KCNH2: variants seen among roughly 807,000 people sequenced by gnomAD.
The protein encoded by KCNH2 is voltage-gated inwardly rectifying potassium channel KCNH2.
Under a neutral mutation model 95.9 loss-of-function variants are expected in KCNH2, and 35 were observed. That is an observed-to-expected ratio of 0.37 (90% CI 0.28 to 0.48). KCNH2 has a LOEUF of 0.48. Among genes scored for constraint, KCNH2 ranks in the 20% least tolerant of loss-of-function variants. The pLI is 0.99. For synonymous variants in KCNH2, 786 were observed against 754.7 expected (o/e 1.04, Z -0.68); for missense variants, 1,274 against 1,702.9 (o/e 0.75, Z 4.43).
At chr7:150,949,201 A>G (rs939523396) in intron 9 of KCNH2, 152 bp from the exon 10 acceptor site, 1 of 1,103,940 alleles carries the variant, frequency 9.1e-7, no homozygotes. Context: ...CCGGGGAAGC[A>G]ATCTGCCAGC....
chr7:150,974,556 C>T (rs913095759), intron 2 of KCNH2, among the ~76,000 whole-genome samples, 155 bp downstream of exon 2: 3 of 152,188 alleles, frequency 2.0e-5, no homozygotes, highest in Non-Finnish European at 4.4e-5. Context: ...CGCAGGGCCC[C>T]CGCCCGCGTC....
chr7:150,948,976 G>C lies in KCNH2; in HGVS notation c.2472C>G (p.Ala824=). The C allele has an allele frequency of 6.2e-7, 1 of 1,614,168 alleles. No homozygotes were observed. The highest frequency in any genetic ancestry group is 1.1e-5 in the South Asian group (1 of 91,084). ...TCTTGTGTAGGTCACAGTAGGTGAG[G>C]GCCCGCACATCCCCGTTCGACTTGC... The part of the protein sequence containing the change: ...RPGKSNGDVR[A]LTYCDLHKIH... The change falls in exon 10 of 15, where the codon GCC becomes GCG. Residue 824 remains alanine, a synonymous_variant. Transcript: ENST00000262186.
chr7:150,945,580 G>C lies in KCNH2; in HGVS notation c.3331-66C>G. 1 of 1,505,748 alleles carries C rather than the reference G, an allele frequency of 6.6e-7. No homozygotes were observed. Among genetic ancestry groups the C allele is most frequent in the South Asian group, 1.2e-5 (1 of 83,278 alleles). The allele number at this position is 1,505,748 out of a possible 1,614,324, so 93.3% of individuals were successfully genotyped here. On this transcript the variant is annotated intron_variant, in intron 14 of 14. Transcript: ENST00000262186. This position sits in a 1 kb window ranked among gnomAD's most constrained non-coding sequence, Gnocchi z 5.6. ...GAGGAGGAGGAAGGGGAGGGAAAGGGGCAGGAGAACCCGGGGACAGAGGAT... is the reference window on the plus strand; with the variant it reads ...GAGGAGGAGGAAGGGGAGGGAAAGGCGCAGGAGAACCCGGGGACAGAGGAT...
At chr7:150,949,239 C>T (rs1267189915) in intron 9 of KCNH2, among the ~76,000 whole-genome samples, 190 bp from the exon 10 acceptor site, 10 of 152,076 alleles carry the variant, frequency 6.6e-5, no homozygotes, top group Non-Finnish European at 7.4e-5. Context: ...CCAGCAGGCA[C>T]GACAGTGCCA....
Position 150,959,771 on chromosome 7 carries a change from C to G in KCNH2, c.308-35G>C, listed in dbSNP as rs201110236. The G allele has an allele frequency of 4.3e-6, 7 of 1,613,592 alleles. No homozygotes were observed. In the Admixed American group the frequency reaches 8.3e-5, roughly 19 times the overall value. ...GGGAGGACATAGCCCCCTTGGCACC[C>G]ACTCAGTGGGCAGAGCAGAAAGCCA... On this transcript the variant is annotated intron_variant, in intron 2 of 14. Transcript: ENST00000262186.
At chr7:150,968,479 G>A (rs917986760) in intron 2 of KCNH2, among the ~76,000 whole-genome samples, 4 of 152,108 alleles carry the variant, frequency 2.6e-5, no homozygotes, top group Admixed American at 2.0e-4. Flanking sequence ...TAAGAAAAGC[G>A]AACACCAAAA....
intron 3 of KCNH2, 26 bp from the exon 4 acceptor site, chr7:150,958,528 C>A: frequency 1.4e-6 from 2 of 1,470,348 alleles, no homozygotes; most frequent in South Asian, 2.6e-5. Context: ...GGCACGTGGT[C>A]GTGGGGATCG....
chr7:150,948,784 G>A, intron 10 of KCNH2, 72 bp downstream of exon 10: 2 of 1,383,230 alleles, frequency 1.4e-6, no homozygotes, highest in Non-Finnish European at 2.1e-6. Context: ...CACATTCAAT[G>A]TCACACAGCA....
chr7:150,964,863 CGGCGACA>C (rs1270207742), intron 2 of KCNH2, among the ~76,000 whole-genome samples: 6 of 152,134 alleles, frequency 3.9e-5, no homozygotes, highest in Non-Finnish European at 8.8e-5. Context: ...AGCCTGGTGG[CGGCGACA>C]GGAAGATGCA....
At chr7:150,955,250 G>T (rs1425128829) in intron 5 of KCNH2, 4 of 818,044 alleles carry the variant, frequency 4.9e-6, no homozygotes, top group Admixed American at 2.1e-5. Flanking sequence ...AGCCAGGCGC[G>T]GGTGAGCAGG....
In KCNH2 at chr7:150,950,409, G is replaced by A. The variant is rs748506070; in HGVS notation, c.2157C>T (p.Gly719=). 2.5e-6 allele frequency: 4 copies of A among 1,611,812 alleles called. No individual in the cohort carries two copies. In the South Asian group the frequency reaches 3.3e-5, roughly 13 times the overall value. ...NGIDMNAVLK[G]FPECLQADIC... is the part of the protein sequence containing the mutation. ...TGTCAGCCTGCAGGCACTCAGGGAAGCCCTTCAGCACCTGGGGGCAGGGTG... is the reference window on the plus strand; with the variant it reads ...TGTCAGCCTGCAGGCACTCAGGGAAACCCTTCAGCACCTGGGGGCAGGGTG... The change falls in exon 9 of 15, where the codon GGC becomes GGT. Residue 719 remains glycine (G), a synonymous_variant. Transcript: ENST00000262186.
rs183139586 is a variant in KCNH2, at chr7:150,948,593, C to G, written c.2593-50G>C. 15 of 1,516,648 alleles carry G rather than the reference C, an allele frequency of 9.9e-6. No individual in the cohort carries two copies. The Admixed American group carries it at 2.3e-4, about 24-fold the overall frequency. 93.9% of individuals were successfully genotyped at this position (1,516,648 alleles called of 1,614,324 possible). A position where few individuals can be genotyped will look rare whatever the true frequency, so the allele number is the denominator to read the frequency against. ...CCCTTTCAGTGCTCTCCTGCCCCAC[C>G]GGGGTCAGGCCCCAAGCTCCCTCCT... On this transcript the variant is annotated intron_variant, in intron 10 of 14. Transcript: ENST00000262186.
chr7:150,952,307 T>TCTTTCTC lies in KCNH2; in HGVS notation c.1557+111_1557+117dup, dbSNP rs1199119680. The TCTTTCTC allele has an allele frequency of 1.9e-5, 22 of 1,142,330 alleles. 1 individual carries two copies. The highest frequency in any genetic ancestry group is 2.8e-5 in the Non-Finnish European group (22 of 787,342). The allele number at this position is 1,142,330 out of a possible 1,614,324, so 70.8% of individuals were successfully genotyped here. ...ATGTCTCTCTCCCACTGTCTTTCTC[T>TCTTTCTC]CTTTCTCTCTCTCTCTCTTTTTCTC... On this transcript the variant is annotated intron_variant, in intron 6 of 14. Transcript: ENST00000262186. The surrounding 1 kb of genome is among the most constrained non-coding windows in gnomAD (Gnocchi z 7.3).
rs1801766456 is a variant in KCNH2 at position 150,968,790 on chromosome 7, T to C, written c.307+5921A>G. On this transcript the variant is annotated intron_variant, in intron 2 of 14. Transcript: ENST00000262186. ...GGGGAGAGGCAGGCAGCATGCAGGA[T>C]GGGGCGGGGTGCACCATAGGAGCAG... is the stretch of plus-strand genomic sequence containing the variant. Among the ~76,000 whole-genome samples the C allele has an allele frequency of 2.0e-5, 3 of 151,982 alleles. No individual in the cohort carries two copies. In the South Asian group the frequency reaches 6.2e-4, roughly 31 times the overall value.
rs1364321630 is a variant in KCNH2 at position 150,946,784 on chromosome 7, C to T, written c.3330+93G>A. 41 of 1,220,892 alleles carry T rather than the reference C, an allele frequency of 3.4e-5. No individual in the cohort carries two copies. The highest frequency in any genetic ancestry group is 4.0e-5 in the Non-Finnish European group (34 of 860,604). The allele number at this position is 1,220,892 out of a possible 1,614,324, so 75.6% of individuals were successfully genotyped here. A position where few individuals can be genotyped will look rare whatever the true frequency, so the allele number is the denominator to read the frequency against. ...AACAAGGTTCAGGGAGGCTGGGCCA[C>T]AGAGCCCAGCAGAAAGGCAGCAAAG... On this transcript the variant is annotated intron_variant, in intron 14 of 14. Transcript: ENST00000262186. The surrounding 1 kb of genome is among the most constrained non-coding windows in gnomAD (Gnocchi z 6.5).
At chr7:150,948,195 C>G (rs1440730205) in intron 11 of KCNH2, among the ~76,000 whole-genome samples, 1 of 152,214 alleles carries the variant, frequency 6.6e-6, no homozygotes, top group African/African-American at 2.4e-5. Context: ...ACAGAGACCC[C>G]AGCCCTGTGA....
In KCNH2 at chr7:150,949,987, C is replaced by T. The variant is rs1273637462; in HGVS notation, c.2398+181G>A. 1.3e-6 allele frequency: 2 copies of T among 1,552,178 alleles called. No individual in the cohort carries two copies. Among genetic ancestry groups the T allele is most frequent in the African/African-American group, 2.7e-5 (2 of 73,056 alleles). On this transcript the variant is annotated intron_variant, in intron 9 of 14. Transcript: ENST00000262186. ...ACCCCAGAGTTCAGCAGCCTCACCC[C>T]ACGTGGGGCTCCTCTCCATGGCCCC...
chr7:150,955,724 C>A, intron 5 of KCNH2: 1 of 1,327,204 alleles, frequency 7.5e-7, no homozygotes, highest in Non-Finnish European at 9.6e-7. Context: ...CTGGCTCGAG[C>A]TGCCCATGGC....
chr7:150,950,323 T>C lies in KCNH2; in HGVS notation c.2243A>G (p.Lys748Arg). The change falls in exon 9 of 15, where the codon AAG (lysine) becomes AGG (arginine). Residue 748 changes from lysine to arginine, a missense_variant. Transcript: ENST00000262186. ...CATGGCCAGGGCCCGAAGGCAGCCC[T>C]TGGTGGCCCCTCGGAAGGGTTTGCA... ...QHCKPFRGAT[K>R]GCLRALAMKF... 1 of 1,613,616 alleles carries C rather than the reference T, an allele frequency of 6.2e-7. No homozygotes were observed. Among genetic ancestry groups the C allele is most frequent in the Admixed American group, 1.7e-5 (1 of 60,024 alleles).
Sources: allele counts gnomAD v4.1 joint callset (sites outside exome capture counted in the v4.1 genomes callset), GRCh38; gene constraint gnomAD v4.1.1; non-coding constraint Gnocchi (gnomAD v3.1); transcripts MANE v1.5; gene names NCBI Gene and HGNC (gene_info 2026-07-23, HGNC 2026-07-21).